ITGA9: variants seen among roughly 807,000 people sequenced by gnomAD.
The protein encoded by ITGA9 is integrin subunit alpha 9, also known as integrin alpha-9.
In ITGA9, 56 loss-of-function variants were observed where a neutral mutation model predicts 127.8. The ratio of observed to expected loss-of-function variants is 0.44; its 90% CI spans 0.35 to 0.55. The LOEUF is 0.55. ITGA9 is among the 20% of genes least tolerant of loss of function. The pLI is 0.00. For synonymous variants in ITGA9, 508 were observed against 514.5 expected (o/e 0.99, Z 0.17); for missense variants, 1,196 against 1,347.1 (o/e 0.89, Z 1.76).
At chr3:37,783,080 A>G (rs1696996794) in intron 25 of ITGA9, among the ~76,000 whole-genome samples, 1 of 152,070 alleles carries the variant, frequency 6.6e-6, no homozygotes, top group Non-Finnish European at 1.5e-5. Context: ...TGGAGGTTGC[A>G]GTGAGCCAAG....
intron 14 of ITGA9, among the ~76,000 whole-genome samples, chr3:37,537,193 G>T (rs1699216270): frequency 6.6e-6 from 1 of 152,236 alleles, no homozygotes; most frequent in Admixed American, 6.5e-5. Context: ...CTCTCTGAGG[G>T]AGTGCAATGA....
intron 16 of ITGA9, among the ~76,000 whole-genome samples, chr3:37,635,059 A>G (rs1331520710): frequency 5.3e-5 from 8 of 152,244 alleles, no homozygotes; most frequent in African/African-American, 1.9e-4. Flanking sequence ...GAAAATGGAA[A>G]CACAGCATAC....
At chr3:37,682,148 G>A (rs913831409) in intron 17 of ITGA9, among the ~76,000 whole-genome samples, 4 of 152,140 alleles carry the variant, frequency 2.6e-5, no homozygotes, top group Admixed American at 2.0e-4. Flanking sequence ...TCCCCCACCA[G>A]CTACCATCCA....
chr3:37,466,982 A>G (rs1698379833), intron 1 of ITGA9, among the ~76,000 whole-genome samples: 1 of 152,140 alleles, frequency 6.6e-6, no homozygotes, highest in African/African-American at 2.4e-5. Flanking sequence ...GCTTGTTCTG[A>G]ACTCTGGGCC....
intron 5 of ITGA9, among the ~76,000 whole-genome samples, chr3:37,496,112 C>T (rs997763077): frequency 6.6e-6 from 1 of 152,170 alleles, no homozygotes; most frequent in Non-Finnish European, 1.5e-5. Flanking sequence ...AGACTGCCTA[C>T]CTTCCTTTCA....
At chr3:37,573,694 G>A (rs961123984) in intron 15 of ITGA9, among the ~76,000 whole-genome samples, 10 of 152,160 alleles carry the variant, frequency 6.6e-5, no homozygotes, top group Non-Finnish European at 1.2e-4. Context: ...GCACTTCTGT[G>A]ATCTGGCAAT....
chr3:37,733,701 G>C (rs960696061), intron 19 of ITGA9, among the ~76,000 whole-genome samples: 9 of 151,866 alleles, frequency 5.9e-5, no homozygotes, highest in African/African-American at 1.9e-4. Context: ...CAAATCACTT[G>C]AACCCATAAG....
chr3:37,641,700 C>CA (rs1700335493), intron 16 of ITGA9, among the ~76,000 whole-genome samples: 1 of 152,132 alleles, frequency 6.6e-6, no homozygotes, highest in African/African-American at 2.4e-5. Flanking sequence ...TGCTAAGGCC[C>CA]ACGAGAGCCT....
intron 21 of ITGA9, 120 bp from the exon 22 acceptor site, chr3:37,743,806 G>A (rs2186453): frequency 2.6e-6 from 2 of 761,072 alleles, no homozygotes; most frequent in Admixed American, 1.9e-5. Flanking sequence ...CCCCAGCAGG[G>A]AAGCACTGGG....
chr3:37,692,412 A>AGAGT lies in ITGA9; in HGVS notation c.2067+8398_2067+8399insAGTG, dbSNP rs1553658497. Among the ~76,000 whole-genome samples, 1,011 of 146,058 alleles carry AGAGT rather than the reference A, an allele frequency of 6.9e-3. 12 individuals carry two copies. Among genetic ancestry groups the AGAGT allele is most frequent in the African/African-American group, 0.02 (806 of 39,580 alleles). ...TAATGAAGGATTGAGAGAGAGAGAG[A>AGAGT]GTGTGTGTGTGTGTGTGTGTGTGTG... On this transcript the variant is annotated intron_variant, in intron 18 of 27. Transcript: ENST00000264741.
intron 26 of ITGA9, among the ~76,000 whole-genome samples, chr3:37,791,449 G>C (rs1697108367): frequency 6.6e-6 from 1 of 152,140 alleles, no homozygotes; most frequent in Non-Finnish European, 1.5e-5. Flanking sequence ...GAAGTGCTCA[G>C]AATTGCGCTG....
At chr3:37,632,640 A>G (rs1324563508) in intron 16 of ITGA9, among the ~76,000 whole-genome samples, 1 of 152,224 alleles carries the variant, frequency 6.6e-6, no homozygotes, top group Non-Finnish European at 1.5e-5. Context: ...AAATTATCAT[A>G]GACACATCAT....
At chr3:37,721,114 C>CTTTT (rs35254377) in intron 18 of ITGA9, among the ~76,000 whole-genome samples, 1 of 93,234 alleles carries the variant, frequency 1.1e-5, no homozygotes, top group Admixed American at 1.4e-4. Flanking sequence ...CTTTTCTTGC[C>CTTTT]TTTTTTTTTT....
chr3:37,686,293 G>A (rs889715408), intron 18 of ITGA9, among the ~76,000 whole-genome samples: 2 of 152,204 alleles, frequency 1.3e-5, no homozygotes, highest in African/African-American at 2.4e-5. Flanking sequence ...ATGTGCTGTC[G>A]GGTCAAAGCT....
chr3:37,534,393 C>T (rs2125587476), intron 14 of ITGA9, among the ~76,000 whole-genome samples: 1 of 152,334 alleles, frequency 6.6e-6, no homozygotes, highest in South Asian at 2.1e-4. Flanking sequence ...ACTTTGGGCT[C>T]CGCTTTGGAC....
chr3:37,662,023 G>T (rs1011254802), intron 17 of ITGA9, among the ~76,000 whole-genome samples: 25 of 152,340 alleles, frequency 1.6e-4, no homozygotes, highest in South Asian at 4.1e-4. Context: ...AAACCAGATT[G>T]TGGAACACTT....
Position 37,741,754 on chromosome 3 carries a change from C to T in ITGA9, c.2259C>T (p.Ser753=). Residue 753 remains serine (S), a synonymous_variant, in exon 21 of 28, where the codon TCC becomes TCT. Coordinates refer to ENST00000264741, the MANE Select transcript of ITGA9 (RefSeq NM_002207.3). ...GTGGCAACACGGAGCGCTCTGAATC[C>T]CTGCATGACAACACCCTCGTGCTGA... ...AQSGNTERSE[S]LHDNTLVLMV... 1 of 1,613,816 alleles carries T rather than the reference C, an allele frequency of 6.2e-7. No individual in the cohort carries two copies. The highest frequency in any genetic ancestry group is 1.3e-5 in the African/African-American group (1 of 75,050).
intron 23 of ITGA9, among the ~76,000 whole-genome samples, chr3:37,766,263 A>C (rs1424965235): frequency 6.6e-6 from 1 of 152,240 alleles, no homozygotes; most frequent in Admixed American, 6.5e-5. Flanking sequence ...AACTGCCTCA[A>C]TGTTGTTAGA....
chr3:37,569,217 T>A (rs1193580301), intron 15 of ITGA9, among the ~76,000 whole-genome samples: 1 of 152,222 alleles, frequency 6.6e-6, no homozygotes, highest in Non-Finnish European at 1.5e-5. Flanking sequence ...GAACTTGTGC[T>A]GGGGAACTCC....
Sources: gnomAD v4.1 joint callset for allele counts (sites outside exome capture counted in the v4.1 genomes callset) on GRCh38, gnomAD v4.1.1 for gene constraint, MANE v1.5 for transcripts, NCBI Gene and HGNC (gene_info 2026-07-23, HGNC 2026-07-21) for gene names.